The following EPHA6 variants were observed in gnomAD, a reference collection of about 807,000 sequenced individuals.
EPHA6 encodes EPH receptor A6, also known as ephrin type-A receptor 6.
EPHA6 carries 50 observed loss-of-function variants against 112.0 expected under a neutral mutation model. The observed-to-expected ratio is 0.45, with a 90% CI of 0.36 to 0.56. EPHA6 has a LOEUF of 0.56. EPHA6 is among the 20% of genes least tolerant of loss of function. The probability of loss-of-function intolerance (pLI) is 0.00; values close to 1 mark genes in which losing one functional copy is unlikely to be tolerated. For missense variants in EPHA6, 1,280 were observed against 1,417.4 expected, an observed-to-expected ratio of 0.90 and a Z score of 1.56; for synonymous variants, 529 against 490.7, an observed-to-expected ratio of 1.08 and a Z score of -1.03.
chr3:96,856,426 A>G (rs1383414896), intron 1 of EPHA6, among the ~76,000 whole-genome samples: 4 of 151,950 alleles, frequency 2.6e-5, no homozygotes, highest in South Asian at 4.1e-4. Flanking sequence ...GAAACCTTGG[A>G]AAAAAAATAT....
At chr3:97,270,057 A>G (rs1036977512) in intron 5 of EPHA6, among the ~76,000 whole-genome samples, 2 of 152,222 alleles carry the variant, frequency 1.3e-5, no homozygotes, top group Non-Finnish European at 2.9e-5. Context: ...ACAATACACT[A>G]TATCTTTCAT....
chr3:97,061,801 CATACTATAGTATGTGCTATT>C (rs1243398034), intron 3 of EPHA6, among the ~76,000 whole-genome samples: 1 of 152,116 alleles, frequency 6.6e-6, no homozygotes, highest in Admixed American at 6.6e-5. Flanking sequence ...TGCTGAAACG[CATACTATAGTATGTGCTATT>C]ATACTATAGT....
intron 3 of EPHA6, among the ~76,000 whole-genome samples, chr3:97,009,600 C>T (rs147347287): frequency 3.9e-5 from 6 of 152,360 alleles, no homozygotes; most frequent in African/African-American, 1.4e-4. Context: ...AGGGCTTAGA[C>T]AGCAGGCAGC....
intron 6 of EPHA6, chr3:97,447,683 C>G (rs1057399930): frequency 1.6e-5 from 12 of 763,080 alleles, no homozygotes; most frequent in Non-Finnish European, 1.9e-5. Flanking sequence ...AGATAGTGGG[C>G]AAGAGAGACC....
At chr3:97,316,319 A>AT (rs2081834703) in intron 5 of EPHA6, among the ~76,000 whole-genome samples, 2 of 151,940 alleles carry the variant, frequency 1.3e-5, no homozygotes, top group South Asian at 4.1e-4. Flanking sequence ...ATTTTAGACA[A>AT]TTAAATAAAA....
intron 12 of EPHA6, among the ~76,000 whole-genome samples, chr3:97,596,883 T>TATATATATATAC (rs1222038519): frequency 3.7e-5 from 5 of 134,202 alleles, no homozygotes; most frequent in African/African-American, 1.4e-4. Flanking sequence ...GGAATATATA[T>TATATATATATAC]ATATATATAT....
chr3:96,974,960 T>C (rs940209552), intron 2 of EPHA6, among the ~76,000 whole-genome samples: 1 of 152,132 alleles, frequency 6.6e-6, no homozygotes, highest in African/African-American at 2.4e-5. Context: ...GGTCAGTGCA[T>C]GCCATTCAGG....
rs139680957 is a variant in EPHA6, at chr3:97,568,563, A to C, written c.2387-24049A>C. ...GCTCTCAGAGAGCACCATGCTCTTC[A>C]GAGCAGCTCCTTATGCCTACAATGC... On this transcript the variant is annotated intron_variant, in intron 11 of 17. Transcript: ENST00000389672. 4.6e-5 allele frequency among the ~76,000 whole-genome samples: 7 copies of C among 152,334 alleles called. No individual in the cohort carries two copies. The East Asian group carries it at 9.6e-4, about 21-fold the overall frequency.
chr3:97,475,209 A>C, intron 7 of EPHA6, 143 bp from the exon 8 acceptor site: 2 of 613,698 alleles, frequency 3.3e-6, no homozygotes, highest in Non-Finnish European at 5.6e-6. Context: ...GGTTTGCTTC[A>C]TACGTGTCAA....
chr3:97,557,045 C>G (rs1436071950), intron 11 of EPHA6, among the ~76,000 whole-genome samples: 1 of 151,920 alleles, frequency 6.6e-6, no homozygotes, highest in Non-Finnish European at 1.5e-5. Context: ...TCTATTGAAA[C>G]TATGCTATAA....
intron 5 of EPHA6, among the ~76,000 whole-genome samples, chr3:97,370,802 G>A (rs757489785): frequency 1.3e-5 from 2 of 152,026 alleles, no homozygotes; most frequent in African/African-American, 4.8e-5. Context: ...ATATTATAGG[G>A]CTGCAATTAT....
chr3:96,865,543 A>C (rs1382264517), intron 1 of EPHA6, among the ~76,000 whole-genome samples: 1 of 151,848 alleles, frequency 6.6e-6, no homozygotes, highest in Non-Finnish European at 1.5e-5. Context: ...TTAGCTGGGC[A>C]CAGTGGTGCG....
intron 1 of EPHA6, among the ~76,000 whole-genome samples, chr3:96,826,467 T>G (rs1480901465): frequency 2.0e-5 from 3 of 152,018 alleles, no homozygotes; most frequent in Admixed American, 2.0e-4. Context: ...AGTTTCCTCT[T>G]TAGTATATTA....
intron 15 of EPHA6, among the ~76,000 whole-genome samples, chr3:97,735,478 T>C (rs1287954001): frequency 6.6e-6 from 1 of 152,024 alleles, no homozygotes; most frequent in Admixed American, 6.6e-5. Context: ...CACATTGACA[T>C]TATCATAAAA....
intron 14 of EPHA6, among the ~76,000 whole-genome samples, chr3:97,683,037 A>G (rs941182164): frequency 1.3e-5 from 2 of 152,190 alleles, no homozygotes; most frequent in Admixed American, 1.3e-4. Flanking sequence ...AAAATTTTAT[A>G]ATGCTTTATT....
At chr3:97,655,122 T>TTA (rs1247243656) in intron 14 of EPHA6, among the ~76,000 whole-genome samples, 6 of 147,734 alleles carry the variant, frequency 4.1e-5, no homozygotes, top group Admixed American at 6.8e-5. Flanking sequence ...ATTATATATT[T>TTA]TATATATATA....
intron 3 of EPHA6, among the ~76,000 whole-genome samples, chr3:97,191,395 A>G (rs1476389529): frequency 2.6e-5 from 4 of 151,952 alleles, no homozygotes; most frequent in African/African-American, 9.7e-5. Flanking sequence ...CTGTTGTGCT[A>G]TCAAATACTA....
chr3:97,594,889 A>G (rs889907103), intron 12 of EPHA6, among the ~76,000 whole-genome samples: 1 of 152,186 alleles, frequency 6.6e-6, no homozygotes, highest in Non-Finnish European at 1.5e-5. Context: ...CTTTCTGCCA[A>G]TTGATTATCG....
At chr3:97,425,593 G>T (rs1297190866) in intron 6 of EPHA6, among the ~76,000 whole-genome samples, 1 of 152,226 alleles carries the variant, frequency 6.6e-6, no homozygotes, top group East Asian at 1.9e-4. Flanking sequence ...GGCCTGTGAT[G>T]AGAGGGACTG....
Sources: gnomAD v4.1 joint callset for allele counts (sites outside exome capture counted in the v4.1 genomes callset) on GRCh38, gnomAD v4.1.1 for gene constraint, MANE v1.5 for transcripts, NCBI Gene and HGNC (gene_info 2026-07-23, HGNC 2026-07-21) for gene names.